SORCS3: variants seen among roughly 807,000 people sequenced by gnomAD.
SORCS3 encodes sortilin related VPS10 domain containing receptor 3.
In SORCS3, 57 loss-of-function variants were observed where a neutral mutation model predicts 146.3. That is an observed-to-expected ratio of 0.39 (90% confidence interval 0.31 to 0.49). SORCS3 has a LOEUF of 0.49. Among genes scored for constraint, SORCS3 ranks in the 20% least tolerant of loss-of-function variants. The pLI, the probability that SORCS3 is intolerant of heterozygous loss-of-function variation, is 0.92. For synonymous variants in SORCS3, 653 were observed against 618.5 expected (o/e 1.06, Z -0.83); for missense variants, 1,341 against 1,575.5 (o/e 0.85, Z 2.52).
At chr10:105,152,473 T>C (rs1465963922) in intron 9 of SORCS3, among the ~76,000 whole-genome samples, 2 of 152,236 alleles carry the variant, frequency 1.3e-5, no homozygotes, top group Non-Finnish European at 2.9e-5. Flanking sequence ...ATCCTGGATG[T>C]ATTTTACATG....
chr10:104,663,537 T>C (rs1224638484), intron 1 of SORCS3, among the ~76,000 whole-genome samples: 2 of 151,880 alleles, frequency 1.3e-5, no homozygotes, highest in East Asian at 1.9e-4. Flanking sequence ...ATCTCTGATA[T>C]GTTGTTATGT....
At chr10:104,896,249 A>G (rs1016662824) in intron 2 of SORCS3, among the ~76,000 whole-genome samples, 1 of 152,198 alleles carries the variant, frequency 6.6e-6, no homozygotes, top group Non-Finnish European at 1.5e-5. Context: ...TTTGCAGGAC[A>G]CAGACTTCCT....
intron 1 of SORCS3, among the ~76,000 whole-genome samples, chr10:104,794,409 AAG>A (rs1295896576): frequency 6.6e-6 from 1 of 152,090 alleles, no homozygotes; most frequent in Non-Finnish European, 1.5e-5. Context: ...GTGGATGGGA[AAG>A]ACAAACAGCA....
intron 1 of SORCS3, among the ~76,000 whole-genome samples, chr10:104,789,685 G>A (rs1053156131): frequency 2.0e-5 from 3 of 152,026 alleles, no homozygotes; most frequent in African/African-American, 7.2e-5. Flanking sequence ...TGCAATGGAT[G>A]CACAATGTTT....
intron 1 of SORCS3, among the ~76,000 whole-genome samples, chr10:104,757,074 T>G (rs908824975): frequency 1.3e-5 from 2 of 149,592 alleles, no homozygotes; most frequent in African/African-American, 2.5e-5. Flanking sequence ...GGGTTTTTTT[T>G]TTTTTTTTTT....
intron 4 of SORCS3, among the ~76,000 whole-genome samples, chr10:104,994,587 T>C (rs1159233203): frequency 6.6e-6 from 1 of 152,232 alleles, no homozygotes; most frequent in Non-Finnish European, 1.5e-5. Context: ...TGTGCTCCTT[T>C]GTAATTCTTT....
chr10:105,114,367 G>A (rs11813426), intron 7 of SORCS3, among the ~76,000 whole-genome samples: 4,344 of 152,260 alleles, frequency 0.029, 121 homozygotes, highest in East Asian at 0.16. Flanking sequence ...AGAAAATTTG[G>A]AAGAGGGACG....
At position 105,257,012 on chromosome 10, in the gene SORCS3, A is replaced by C. The variant is rs182040060; in HGVS notation, c.3443+88A>C. ...TAACTAACTTTACTAAACTCATCGC[A>C]AGAATGTGATTTTTAATTCTCCTTG... On this transcript the variant is annotated intron_variant, in intron 25 of 26. Transcript: ENST00000369701. The C allele has an allele frequency of 1.6e-5, 15 of 922,462 alleles. No homozygotes were observed. In the East Asian group the frequency reaches 3.6e-4, roughly 22 times the overall value. The allele number at this position is 922,462 out of a possible 1,614,324, so 57.1% of individuals were successfully genotyped here. A position where few individuals can be genotyped will look rare whatever the true frequency, so the allele number is the denominator to read the frequency against.
intron 1 of SORCS3, among the ~76,000 whole-genome samples, chr10:104,790,720 T>C (rs973507299): frequency 1.3e-5 from 2 of 152,212 alleles, no homozygotes; most frequent in Non-Finnish European, 2.9e-5. Flanking sequence ...TCAGCAGCTA[T>C]TCTACTGTTT....
intron 3 of SORCS3, among the ~76,000 whole-genome samples, chr10:104,974,079 G>T (rs1229751089): frequency 2.0e-5 from 3 of 152,102 alleles, no homozygotes; most frequent in South Asian, 2.1e-4. Context: ...TATAATTTCT[G>T]TTCTTTTACA....
intron 3 of SORCS3, among the ~76,000 whole-genome samples, chr10:104,974,503 G>A (rs1298586357): frequency 6.6e-6 from 1 of 152,128 alleles, no homozygotes; most frequent in African/African-American, 2.4e-5. Context: ...TTTTATCAGA[G>A]ACTAGGATTG....
chr10:104,970,736 A>C (rs961387442), intron 3 of SORCS3, among the ~76,000 whole-genome samples: 3 of 151,452 alleles, frequency 2.0e-5, no homozygotes, highest in African/African-American at 7.3e-5. Context: ...AAAAGAAAGT[A>C]AGCTTGTCTT....
intron 1 of SORCS3, among the ~76,000 whole-genome samples, chr10:104,734,148 G>A (rs2016741418): frequency 1.3e-5 from 2 of 152,192 alleles, no homozygotes; most frequent in South Asian, 2.1e-4. Flanking sequence ...GTCTACTTTT[G>A]TGGTTTGTTT....
intron 9 of SORCS3, 68 bp from the exon 10 acceptor site, chr10:105,157,069 TA>T: frequency 6.4e-7 from 1 of 1,572,644 alleles, no homozygotes; most frequent in Non-Finnish European, 8.7e-7. Flanking sequence ...GCGGCTTCTC[TA>T]AGGGCTTCTC....
chr10:105,150,232 A>G (rs1422006809), intron 9 of SORCS3, among the ~76,000 whole-genome samples: 2 of 152,172 alleles, frequency 1.3e-5, no homozygotes, highest in Non-Finnish European at 2.9e-5. Flanking sequence ...TGGATATCAA[A>G]CACAGCTTTA....
chr10:105,240,947 A>AAATATAT (rs949459929), intron 20 of SORCS3, among the ~76,000 whole-genome samples: 1 of 143,620 alleles, frequency 7.0e-6, no homozygotes, highest in Non-Finnish European at 1.6e-5. Context: ...CACTGAAAAA[A>AAATATAT]ATATATATAT....
chr10:104,994,494 A>T (rs2055011929), intron 4 of SORCS3, among the ~76,000 whole-genome samples: 1 of 152,216 alleles, frequency 6.6e-6, no homozygotes, highest in Non-Finnish European at 1.5e-5. Flanking sequence ...TATAAACTTG[A>T]TAAAATTTTG....
chr10:105,006,992 A>G (rs1010396080), intron 4 of SORCS3, among the ~76,000 whole-genome samples: 1 of 152,198 alleles, frequency 6.6e-6, no homozygotes, highest in African/African-American at 2.4e-5. Flanking sequence ...GCTGCATAGG[A>G]TGGGTGATCT....
At chr10:104,674,042 G>A (rs1472717763) in intron 1 of SORCS3, among the ~76,000 whole-genome samples, 3 of 152,098 alleles carry the variant, frequency 2.0e-5, no homozygotes, top group Admixed American at 6.6e-5. Context: ...ACCTGATTAC[G>A]CTGATGTTAC....
Sources: gnomAD v4.1 joint callset for allele counts (sites outside exome capture counted in the v4.1 genomes callset) on GRCh38, gnomAD v4.1.1 for gene constraint, MANE v1.5 for transcripts, NCBI Gene and HGNC (gene_info 2026-07-23, HGNC 2026-07-21) for gene names.